FAAH2: variants seen among roughly 807,000 people sequenced by gnomAD.
The protein encoded by FAAH2 is fatty-acid amide hydrolase 2.
A neutral mutation model predicts 36.9 loss-of-function variants in FAAH2; 60 were observed. The observed-to-expected ratio is 1.63, with a 90% CI of 1.32 to 2.02. The LOEUF (loss-of-function observed/expected upper bound fraction) is 2.02. Among genes scored for constraint, FAAH2 ranks in the 30% most tolerant of loss-of-function variants. The pLI is 0.00. For missense variants in FAAH2, 689 were observed against 397.5 expected, an observed-to-expected ratio of 1.73 and a Z score of -6.23; for synonymous variants, 214 against 143.8, an observed-to-expected ratio of 1.49 and a Z score of -3.49.
the FAAH2 span, among the ~76,000 whole-genome samples, chrX:57,243,799 G>A: frequency 3.6e-5 from 4 of 110,796 alleles, no homozygotes; most frequent in African/African-American, 6.6e-5. Flanking sequence ...AGAAACAAGC[G>A]AAAAAAGGCT....
intron 8 of FAAH2, among the ~76,000 whole-genome samples, chrX:57,444,018 C>T (rs2056620886): frequency 8.9e-6 from 1 of 111,874 alleles, no homozygotes; most frequent in Non-Finnish European, 1.9e-5. Flanking sequence ...TCAGTCAGCC[C>T]CTACTGGGAG....
chrX:57,258,399 G>A, the FAAH2 span, among the ~76,000 whole-genome samples: 1 of 110,803 alleles, frequency 9.0e-6, no homozygotes, highest in Admixed American at 9.6e-5. Context: ...ATTTTTTTAA[G>A]CTAACCCCCA....
At chrX:57,439,814 A>C (rs1273073438) in intron 8 of FAAH2, among the ~76,000 whole-genome samples, 1 of 111,795 alleles carries the variant, frequency 8.9e-6, no homozygotes, top group Non-Finnish European at 1.9e-5. Context: ...TTAGCTTTCT[A>C]CATATGGCTA....
At chrX:57,338,186 G>C (rs185072210) in intron 4 of FAAH2, among the ~76,000 whole-genome samples, 1 of 111,324 alleles carries the variant, frequency 9.0e-6, no homozygotes, top group Non-Finnish European at 1.9e-5. Context: ...ATAGGTGTGG[G>C]GCCATTTTAT....
the FAAH2 span, among the ~76,000 whole-genome samples, chrX:57,128,719 C>T: frequency 1.8e-5 from 2 of 111,830 alleles, no homozygotes; most frequent in East Asian, 2.8e-4. Context: ...AATTGTCATG[C>T]AATAATTCAC....
intron 7 of FAAH2, among the ~76,000 whole-genome samples, chrX:57,413,754 A>G (rs2055762089): frequency 8.9e-6 from 1 of 111,895 alleles, no homozygotes; most frequent in African/African-American, 3.2e-5. Context: ...AATAAAGTCA[A>G]TGGTAGCTTG....
chrX:57,448,873 G>A (rs548131267), intron 10 of FAAH2, among the ~76,000 whole-genome samples, 155 bp downstream of exon 10: 1 of 112,392 alleles, frequency 8.9e-6, no homozygotes, highest in South Asian at 3.7e-4. Context: ...AGTTGCTAAT[G>A]TCATATGTTG....
chrX:57,242,201 A>G, the FAAH2 span, among the ~76,000 whole-genome samples: 1 of 111,567 alleles, frequency 9.0e-6, no homozygotes, highest in Non-Finnish European at 1.9e-5. Flanking sequence ...ACCTTATACA[A>G]GAGAGCTCCA....
chrX:57,416,788 G>A (rs1317495919), intron 7 of FAAH2, among the ~76,000 whole-genome samples: 1 of 111,620 alleles, frequency 9.0e-6, no homozygotes, highest in Non-Finnish European at 1.9e-5. Context: ...TGCTAGGTTG[G>A]GGAAGTTCGT....
At chrX:57,174,025 T>C in the FAAH2 span, among the ~76,000 whole-genome samples, 1 of 111,240 alleles carries the variant, frequency 9.0e-6, no homozygotes, top group Non-Finnish European at 1.9e-5. Flanking sequence ...TTGTCTGTAG[T>C]TTTCATTTTT....
the FAAH2 span, among the ~76,000 whole-genome samples, chrX:57,226,384 A>G: frequency 6.2e-5 from 7 of 112,160 alleles, no homozygotes; most frequent in African/African-American, 2.3e-4. Flanking sequence ...TCTGAAAATC[A>G]CAGTATCTTT....
At chrX:57,266,829 G>GGTTT in the FAAH2 span, among the ~76,000 whole-genome samples, 1 of 112,506 alleles carries the variant, frequency 8.9e-6, no homozygotes, top group Non-Finnish European at 1.9e-5. Flanking sequence ...GAGCCCAGGG[G>GGTTT]GTTTAGTGCA....
At chrX:57,448,133 G>T (rs2056717165) in intron 9 of FAAH2, among the ~76,000 whole-genome samples, 1 of 111,269 alleles carries the variant, frequency 9.0e-6, no homozygotes, top group Non-Finnish European at 1.9e-5. Flanking sequence ...GGACTACAGG[G>T]CTCACCACCA....
rs754180228 is a variant in FAAH2, at chrX:57,448,705, CT to C, written c.1413del (p.Phe471LeufsTer14). 1 of 1,206,836 alleles carries C rather than the reference CT, an allele frequency of 8.3e-7. No homozygotes were observed. The highest frequency in any genetic ancestry group is 1.7e-5 in the African/African-American group (1 of 57,721). On this transcript the variant is annotated frameshift_variant, in exon 10 of 11. Transcript: ENST00000374900. LOFTEE classifies it high-confidence loss of function. ...HHVPLTRPFN[F>X]AYTGVFSALG... ...ATGTCCCTCTAACACGGCCTTTCAA[CT>C]TTGCTTACACAGGTACCTAATTGTA...
the FAAH2 span, among the ~76,000 whole-genome samples, chrX:57,138,678 A>G: frequency 9.0e-6 from 1 of 111,308 alleles, no homozygotes; most frequent in African/African-American, 3.3e-5. Flanking sequence ...TATCCCCACG[A>G]GCAATTTACA....
chrX:57,219,238 G>C, the FAAH2 span, among the ~76,000 whole-genome samples: 1 of 111,564 alleles, frequency 9.0e-6, no homozygotes, highest in African/African-American at 3.3e-5. Context: ...CTGCACCCAG[G>C]CACTCATTAA....
chrX:57,279,401 A>G, the FAAH2 span, among the ~76,000 whole-genome samples: 1 of 112,183 alleles, frequency 8.9e-6, no homozygotes, highest in Non-Finnish European at 1.9e-5. Context: ...GAGTTGAACA[A>G]TGAGAACACA....
chrX:57,322,789 CT>C (rs1237426753), intron 3 of FAAH2, among the ~76,000 whole-genome samples: 1 of 98,271 alleles, frequency 1.0e-5, no homozygotes, highest in Non-Finnish European at 2.0e-5. Context: ...GGGTATTCTG[CT>C]GCTAATGCTT....
intron 7 of FAAH2, among the ~76,000 whole-genome samples, chrX:57,398,938 A>G (rs2055367395): frequency 9.0e-6 from 1 of 111,112 alleles, no homozygotes; most frequent in Admixed American, 9.6e-5. Context: ...TTGGCTGATG[A>G]TCGCTCTAAT....
Sources: gnomAD v4.1 joint callset for allele counts (sites outside exome capture counted in the v4.1 genomes callset) on GRCh38, gnomAD v4.1.1 for gene constraint, MANE v1.5 for transcripts, NCBI Gene and HGNC (gene_info 2026-07-23, HGNC 2026-07-21) for gene names.